The following TRRAP variants were observed in gnomAD, a reference collection of about 807,000 sequenced individuals.
TRRAP encodes transformation/transcription domain associated protein.
TRRAP carries 41 observed loss-of-function variants against 438.8 expected under a neutral mutation model. The ratio of observed to expected loss-of-function variants is 0.09; its 90% CI spans 0.07 to 0.12. The LOEUF (loss-of-function observed/expected upper bound fraction) is 0.12. Among genes scored for constraint, TRRAP ranks in the 10% least tolerant of loss-of-function variants. The probability of loss-of-function intolerance (pLI) is 1.00; values close to 1 mark genes in which losing one functional copy is unlikely to be tolerated. For synonymous variants in TRRAP, 1,994 were observed against 1,962.9 expected (o/e 1.02, Z -0.42); for missense variants, 3,122 against 5,055.1 (o/e 0.62, Z 11.60).
chr7:98,934,482 A>G (rs1790467989), intron 27 of TRRAP, among the ~76,000 whole-genome samples: 2 of 152,234 alleles, frequency 1.3e-5, no homozygotes, highest in African/African-American at 4.8e-5. Flanking sequence ...ATCTAGAGAC[A>G]GATGTATTTT....
At chr7:98,942,876 G>T in intron 30 of TRRAP, 73 bp from the exon 31 acceptor site, 1 of 1,520,658 alleles carries the variant, frequency 6.6e-7, no homozygotes, top group South Asian at 1.1e-5. Context: ...GGAAATGAAT[G>T]ATTACATAGT....
At chr7:98,894,817 A>C (rs1393187732) in intron 6 of TRRAP, among the ~76,000 whole-genome samples, 1 of 48,650 alleles carries the variant, frequency 2.1e-5, no homozygotes, top group Non-Finnish European at 3.6e-5. Flanking sequence ...TTGTATTTTT[A>C]GTAGAGATGG....
intron 62 of TRRAP, among the ~76,000 whole-genome samples, chr7:98,988,192 G>T (rs1026811302): frequency 6.6e-6 from 1 of 152,094 alleles, no homozygotes; most frequent in Non-Finnish European, 1.5e-5. Flanking sequence ...ATAGTGAAGC[G>T]GTATAACTGC....
intron 27 of TRRAP, among the ~76,000 whole-genome samples, 186 bp downstream of exon 27, chr7:98,933,588 G>C (rs1554413503): frequency 6.6e-6 from 1 of 152,154 alleles, no homozygotes; most frequent in African/African-American, 2.4e-5. Flanking sequence ...GCGGAAGGGA[G>C]GTATGGCCAG....
intron 70 of TRRAP, among the ~76,000 whole-genome samples, chr7:99,010,344 C>T (rs1004548928): frequency 6.6e-6 from 1 of 152,230 alleles, no homozygotes; most frequent in Non-Finnish European, 1.5e-5. Flanking sequence ...TTTGCAGTCT[C>T]AGAAGTGCTT....
chr7:98,937,320 A>C, intron 29 of TRRAP, 43 bp downstream of exon 29: 1 of 1,582,834 alleles, frequency 6.3e-7, no homozygotes, highest in Non-Finnish European at 8.6e-7. Context: ...GTGTGTGCAC[A>C]CACATGTGTG....
At chr7:98,997,468 A>G (rs187567599) in intron 67 of TRRAP, among the ~76,000 whole-genome samples, 3 of 138,890 alleles carry the variant, frequency 2.2e-5, no homozygotes. Flanking sequence ...ATTATCACCC[A>G]AAACACTGCT....
In TRRAP at chr7:98,948,434, T is replaced by G; in HGVS notation, c.4668+94T>G. The G allele has an allele frequency of 6.2e-7, 1 of 1,610,016 alleles. No individual in the cohort carries two copies. Among genetic ancestry groups the G allele is most frequent in the Admixed American group, 1.7e-5 (1 of 59,940 alleles). On this transcript the variant is annotated intron_variant, in intron 34 of 72. Coordinates refer to ENST00000456197, the MANE Select transcript of TRRAP (RefSeq NM_001375524.1). The surrounding 1 kb of genome is among the most constrained non-coding windows in gnomAD (Gnocchi z 4.9). The stretch of plus-strand genomic sequence containing the variant: ...CGTATTTTCAATGGACGGAACAGCA[T>G]AAAGACGTTCGATGTCAACATTTGC...
At position 98,949,804 on chromosome 7, in the gene TRRAP, C is replaced by G; in HGVS notation, c.5098C>G (p.Pro1700Ala). ...ENMAATNWKE[P>A]KLLAYCLLNY... is the part of the protein sequence containing the mutation. ...CATGGCAGCCACCAACTGGAAGGAGCCCAAGCTGCTGGCCTACTGCCTGCT... is the reference window on the plus strand; with the variant it reads ...CATGGCAGCCACCAACTGGAAGGAGGCCAAGCTGCTGGCCTACTGCCTGCT... Residue 1700 changes from proline to alanine, a missense_variant, in exon 37 of 73, where the codon CCC becomes GCC. Pro to Ala is a conservative substitution (Grantham distance 27). Around this residue, in one of 24 missense-constraint regions of TRRAP, gnomAD observed 272 missense variants for 348.5 expected, o/e 0.78. Coordinates refer to ENST00000456197, the MANE Select transcript of TRRAP (RefSeq NM_001375524.1). 6.2e-7 allele frequency: 1 copy of G among 1,613,724 alleles called. No individual in the cohort carries two copies. The highest frequency in any genetic ancestry group is 8.5e-7 in the Non-Finnish European group (1 of 1,179,978).
chr7:98,952,882 A>T (rs1791402203), intron 39 of TRRAP, among the ~76,000 whole-genome samples: 1 of 152,154 alleles, frequency 6.6e-6, no homozygotes, highest in South Asian at 2.1e-4. Flanking sequence ...GAAAGGAGCC[A>T]GTTTCTTGCA....
At chr7:98,958,126 G>A in intron 44 of TRRAP, 35 bp downstream of exon 44, 1 of 1,579,950 alleles carries the variant, frequency 6.3e-7, no homozygotes, top group Non-Finnish European at 8.7e-7. Context: ...TAGGGCTTCT[G>A]CAGACCAGAG....
At chr7:98,980,021 C>G (rs966951623) in intron 58 of TRRAP, among the ~76,000 whole-genome samples, 1 of 152,160 alleles carries the variant, frequency 6.6e-6, no homozygotes, top group African/African-American at 2.4e-5. Flanking sequence ...AAAAATCTAT[C>G]TCAACTAATG....
chr7:98,884,503 A>G (rs150362665), intron 3 of TRRAP, among the ~76,000 whole-genome samples: 1,746 of 152,236 alleles, frequency 0.011, 21 homozygotes, highest in Non-Finnish European at 0.017. Flanking sequence ...CCAAAGTGCT[A>G]GGATTACAAA....
chr7:98,885,127 A>G (rs1408479804), intron 3 of TRRAP, among the ~76,000 whole-genome samples: 2 of 152,226 alleles, frequency 1.3e-5, no homozygotes, highest in African/African-American at 4.8e-5. Flanking sequence ...AGATTAAAAA[A>G]AATTTTAAGA....
rs762591956 is a variant in TRRAP at position 99,005,862 on chromosome 7, G to C, written c.10753+514G>C. On this transcript the variant is annotated intron_variant, in intron 69 of 72. Transcript: ENST00000456197. The surrounding 1 kb of genome is among the most constrained non-coding windows in gnomAD (Gnocchi z 5.1). ...CTGGGGCGTCTCAGTGGGTGCTGCC[G>C]GTTTTGCTTCTCCTCCCGGGAACCC... is the stretch of plus-strand genomic sequence containing the variant. 6.6e-6 allele frequency among the ~76,000 whole-genome samples: 1 copy of C among 151,950 alleles called. No homozygotes were observed. The highest frequency in any genetic ancestry group is 2.4e-5 in the African/African-American group (1 of 41,374).
intron 25 of TRRAP, 71 bp from the exon 26 acceptor site, chr7:98,931,334 G>C: frequency 1.9e-6 from 3 of 1,570,052 alleles, no homozygotes; most frequent in Non-Finnish European, 2.6e-6. Context: ...TGGCAGACAG[G>C]TGTGCAGGAG....
At chr7:98,917,055 G>A (rs576426979) in intron 19 of TRRAP, among the ~76,000 whole-genome samples, 36 of 152,126 alleles carry the variant, frequency 2.4e-4, no homozygotes, top group African/African-American at 8.4e-4. Context: ...GAGGCTCCTC[G>A]CCATTTATAA....
intron 26 of TRRAP, among the ~76,000 whole-genome samples, chr7:98,932,407 C>T (rs1554413147): frequency 6.6e-6 from 1 of 152,172 alleles, no homozygotes; most frequent in Non-Finnish European, 1.5e-5. Flanking sequence ...GCCACTGCGC[C>T]CAGCCTATTT....
At chr7:98,892,094 T>C (rs1047154297) in intron 4 of TRRAP, among the ~76,000 whole-genome samples, 6 of 152,186 alleles carry the variant, frequency 3.9e-5, no homozygotes, top group African/African-American at 1.2e-4. Context: ...GTTCAGTTTG[T>C]GTTTTGCTCT....
Sources: gnomAD v4.1 joint callset for allele counts (sites outside exome capture counted in the v4.1 genomes callset) on GRCh38, gnomAD v4.1.1 for gene constraint, gnomAD v4.1.1 regional missense constraint, Gnocchi (gnomAD v3.1) non-coding constraint, MANE v1.5 for transcripts, NCBI Gene and HGNC (gene_info 2026-07-23, HGNC 2026-07-21) for gene names.